TWIST2: variants seen among roughly 807,000 people sequenced by gnomAD.
TWIST2 encodes twist family bHLH transcription factor 2, also known as twist-related protein 2.
A neutral mutation model predicts 11.6 loss-of-function variants in TWIST2; 1 was observed. The ratio of observed to expected loss-of-function variants is 0.09; its 90% CI spans 0.03 to 0.41. TWIST2 has a LOEUF of 0.41. Ranked by LOEUF, TWIST2 falls within the 10% of genes least tolerant of loss-of-function variation. The pLI, the probability that TWIST2 is intolerant of heterozygous loss-of-function variation, is 0.98. For synonymous variants in TWIST2, 87 were observed against 96.6 expected (o/e 0.90, Z 0.58); for missense variants, 168 against 226.4 (o/e 0.74, Z 1.66).
intron 1 of TWIST2, among the ~76,000 whole-genome samples, chr2:238,898,974 C>G (rs1693238484): frequency 6.6e-6 from 1 of 152,268 alleles, no homozygotes; most frequent in African/African-American, 2.4e-5. Context: ...TGACTGCTCC[C>G]CTACATAGTA....
intron 1 of TWIST2, among the ~76,000 whole-genome samples, chr2:238,893,983 T>C (rs1293165389): frequency 3.3e-5 from 5 of 152,050 alleles, no homozygotes; most frequent in African/African-American, 1.2e-4. Context: ...ACGTGCCTCC[T>C]TCCCAGCCTC....
chr2:238,905,937 GTGTGTGCGCGCGCGTGTGTA>G lies in TWIST2; in HGVS notation c.*36-3904_*36-3885del, dbSNP rs1693343271. Among the ~76,000 whole-genome samples the G allele has an allele frequency of 9.2e-4, 105 of 113,834 alleles. 1 individual carries two copies. Among genetic ancestry groups the G allele is most frequent in the Middle Eastern group, 3.9e-3 (1 of 258 alleles). 74.7% of individuals were successfully genotyped at this position (113,834 alleles called of 152,430 possible). A position where few individuals can be genotyped will look rare whatever the true frequency, so the allele number is the denominator to read the frequency against. On this transcript the variant is annotated intron_variant, in intron 1 of 1. Coordinates refer to ENST00000612363, the MANE Select transcript of TWIST2 (RefSeq NM_001271893.4). ...TGCGTGCAGGTGTGCGTGTGCGCGT[GTGTGTGCGCGCGCGTGTGTA>G]CGTGTGCGTGTGTGTGCGCGCGCGT...
chr2:238,909,534 G>A (rs1693416735), intron 1 of TWIST2, among the ~76,000 whole-genome samples: 1 of 152,162 alleles, frequency 6.6e-6, no homozygotes, highest in Non-Finnish European at 1.5e-5. Flanking sequence ...TGGCTGCGCT[G>A]AGCACGGGCC....
chr2:238,902,139 G>A (rs1693274808), intron 1 of TWIST2, among the ~76,000 whole-genome samples: 1 of 152,090 alleles, frequency 6.6e-6, no homozygotes, highest in Admixed American at 6.5e-5. Flanking sequence ...ACCCCTCCAG[G>A]GTCCCCTGGC....
At chr2:238,868,441 G>A (rs903170216) in intron 1 of TWIST2, among the ~76,000 whole-genome samples, 1 of 152,220 alleles carries the variant, frequency 6.6e-6, no homozygotes, top group Non-Finnish European at 1.5e-5. Context: ...GGGGCAGGGT[G>A]GAGAGCCTCA....
rs2106353756 is a variant in TWIST2, at chr2:238,863,517, GT to G, written c.*35+14786del. On this transcript the variant is annotated intron_variant, in intron 1 of 1. Transcript: ENST00000612363. The surrounding 1 kb of genome is among the most constrained non-coding windows in gnomAD (Gnocchi z 4.7). Reference sequence around the variant, plus strand: ...CTGGCTGGCCTTTACCCGCTGGGCAGTTCCCAAATGGCGCTTCATGATGGGA... The same window carrying G: ...CTGGCTGGCCTTTACCCGCTGGGCAGTCCCAAATGGCGCTTCATGATGGGA... Among the ~76,000 whole-genome samples the G allele has an allele frequency of 6.6e-6, 1 of 152,330 alleles. No homozygotes were observed. Among genetic ancestry groups the G allele is most frequent in the South Asian group, 2.1e-4 (1 of 4,826 alleles).
chr2:238,871,430 G>T (rs1163150683), intron 1 of TWIST2, among the ~76,000 whole-genome samples: 2 of 22,666 alleles, frequency 8.8e-5, no homozygotes, highest in African/African-American at 3.8e-4. Flanking sequence ...AACCCCACAC[G>T]CCACACACAC....
chr2:238,867,489 C>G lies in TWIST2; in HGVS notation c.*35+18756C>G, dbSNP rs563994986. Among the ~76,000 whole-genome samples the G allele has an allele frequency of 1.9e-3, 284 of 151,814 alleles. No individual in the cohort carries two copies. Among genetic ancestry groups the G allele is most frequent in the African/African-American group, 6.3e-3 (262 of 41,378 alleles). On this transcript the variant is annotated intron_variant, in intron 1 of 1. Coordinates refer to ENST00000612363, the MANE Select transcript of TWIST2 (RefSeq NM_001271893.4). The surrounding 1 kb of genome is among the most constrained non-coding windows in gnomAD (Gnocchi z 4.8). ...GCAGGGGCACAATAAAGAGAAGTCC[C>G]AGCCAGCTCCCGGGGTGGTGTGGGC... is the stretch of plus-strand genomic sequence containing the variant.
intron 1 of TWIST2, among the ~76,000 whole-genome samples, chr2:238,908,284 C>A (rs1374029027): frequency 1.3e-5 from 2 of 150,020 alleles, no homozygotes; most frequent in African/African-American, 4.9e-5. Flanking sequence ...ATACCACACA[C>A]TACACACACA....
At chr2:238,905,944 CGCGCGCGTGTGTACGTGTGCGTGTGTGT>C (rs1314732997) in intron 1 of TWIST2, among the ~76,000 whole-genome samples, 96 of 142,436 alleles carry the variant, frequency 6.7e-4, no homozygotes, top group African/African-American at 2.5e-3. Context: ...CGTGTGTGTG[CGCGCGCGTGTGTACGTGTGCGTGTGTGT>C]GCGCGCGCGT....
rs143422204 is a variant in TWIST2 at position 238,863,507 on chromosome 2, C to T, written c.*35+14774C>T. Among the ~76,000 whole-genome samples the T allele has an allele frequency of 2.9e-4, 44 of 152,316 alleles. No individual in the cohort carries two copies. Among genetic ancestry groups the T allele is most frequent in the Non-Finnish European group, 5.1e-4 (35 of 68,016 alleles). ...TTCAGCTCTCCTGGCTGGCCTTTAC[C>T]CGCTGGGCAGTTCCCAAATGGCGCT... On this transcript the variant is annotated intron_variant, in intron 1 of 1. Transcript: ENST00000612363. The surrounding 1 kb of genome is among the most constrained non-coding windows in gnomAD (Gnocchi z 4.7).
At chr2:238,872,900 A>G (rs893366965) in intron 1 of TWIST2, among the ~76,000 whole-genome samples, 23 of 152,174 alleles carry the variant, frequency 1.5e-4, no homozygotes, top group African/African-American at 5.6e-4. Flanking sequence ...CCTCACATTT[A>G]CTGAGTCCTG....
At chr2:238,857,321 G>C (rs921195067) in intron 1 of TWIST2, among the ~76,000 whole-genome samples, 1 of 152,176 alleles carries the variant, frequency 6.6e-6, no homozygotes, top group African/African-American at 2.4e-5. Context: ...TCACCTATCA[G>C]CTCGTGCTGA....
chr2:238,871,773 G>A (rs1423871963), intron 1 of TWIST2, among the ~76,000 whole-genome samples: 2 of 151,972 alleles, frequency 1.3e-5, no homozygotes, highest in Non-Finnish European at 2.9e-5. Flanking sequence ...CTGAGGACAC[G>A]GTGCTGAGTG....
rs866179238 is a variant in TWIST2, at chr2:238,889,246, A to G, written c.*36-20596A>G. On this transcript the variant is annotated intron_variant, in intron 1 of 1. Coordinates refer to ENST00000612363, the MANE Select transcript of TWIST2 (RefSeq NM_001271893.4). ...GGAACAATGTGAGTGTAAAATCTCC[A>G]CCCTCAAACCATGAATTCAGTAAAT... Among the ~76,000 whole-genome samples, 58 of 152,142 alleles carry G rather than the reference A, an allele frequency of 3.8e-4. 1 individual carries two copies. The highest frequency in any genetic ancestry group is 1.4e-3 in the African/African-American group (58 of 41,430).
intron 1 of TWIST2, among the ~76,000 whole-genome samples, chr2:238,854,525 C>T (rs531414368): frequency 1.3e-5 from 2 of 152,214 alleles, no homozygotes; most frequent in Admixed American, 6.5e-5. Context: ...GCAGCTCCCC[C>T]CAGGAGGGGT....
chr2:238,861,912 GTA>G (rs1363646773), intron 1 of TWIST2, among the ~76,000 whole-genome samples: 1 of 152,190 alleles, frequency 6.6e-6, no homozygotes, highest in African/African-American at 2.4e-5. Flanking sequence ...AACACATACA[GTA>G]TATATAGGGT....
chr2:238,901,826 T>C (rs1693271690), intron 1 of TWIST2, among the ~76,000 whole-genome samples: 2 of 152,000 alleles, frequency 1.3e-5, no homozygotes, highest in African/African-American at 2.4e-5. Flanking sequence ...CTGGGACTTC[T>C]CCATGTCTGT....
intron 1 of TWIST2, among the ~76,000 whole-genome samples, chr2:238,891,253 C>A (rs1039379109): frequency 1.3e-5 from 2 of 152,204 alleles, no homozygotes; most frequent in Non-Finnish European, 2.9e-5. Context: ...TTGACCCTAT[C>A]GGGAGCATTC....
Sources: allele counts gnomAD v4.1 joint callset (sites outside exome capture counted in the v4.1 genomes callset), GRCh38; gene constraint gnomAD v4.1.1; non-coding constraint Gnocchi (gnomAD v3.1); transcripts MANE v1.5; gene names NCBI Gene and HGNC (gene_info 2026-07-23, HGNC 2026-07-21).